PVT1: variants seen among roughly 807,000 people sequenced by gnomAD.
The protein encoded by PVT1 is CXCR4/PVT1 fusion.
chr8:127,925,507 T>C (rs1251125947), intron 3 of PVT1, among the ~76,000 whole-genome samples: 1 of 152,254 alleles, frequency 6.6e-6, no homozygotes, highest in Non-Finnish European at 1.5e-5. Flanking sequence ...GCCATTCAGC[T>C]TTTATTCAGC....
At chr8:128,100,426 C>T (rs922741252) in intron 6 of PVT1, among the ~76,000 whole-genome samples, 1 of 152,136 alleles carries the variant, frequency 6.6e-6, no homozygotes, top group Non-Finnish European at 1.5e-5. Flanking sequence ...TTAAGTACAA[C>T]ATCCACATGG....
chr8:128,042,880 C>T (rs1374270591), intron 4 of PVT1, among the ~76,000 whole-genome samples: 3 of 152,114 alleles, frequency 2.0e-5, no homozygotes, highest in Non-Finnish European at 4.4e-5. Context: ...TCTCATGCCT[C>T]AGCCTCCCAA....
intron 3 of PVT1, among the ~76,000 whole-genome samples, chr8:127,903,857 G>T (rs889121435): frequency 1.3e-5 from 2 of 152,188 alleles, no homozygotes; most frequent in African/African-American, 4.8e-5. Context: ...GTCAGGTAAT[G>T]TGAGGTCTCT....
At chr8:127,962,413 C>T (rs1312068151) in intron 3 of PVT1, among the ~76,000 whole-genome samples, 1 of 152,182 alleles carries the variant, frequency 6.6e-6, no homozygotes, top group Non-Finnish European at 1.5e-5. Flanking sequence ...CTTAAGCCAG[C>T]ACCTTGAGTT....
intron 2 of PVT1, among the ~76,000 whole-genome samples, chr8:127,881,889 G>A (rs553353314): frequency 2.6e-5 from 4 of 152,196 alleles, no homozygotes; most frequent in East Asian, 1.9e-4. Context: ...CTACAGGTGC[G>A]CCACCACTGC....
intron 3 of PVT1, among the ~76,000 whole-genome samples, chr8:127,914,995 T>G (rs1447812141): frequency 1.3e-5 from 2 of 151,918 alleles, no homozygotes; most frequent in African/African-American, 4.8e-5. Flanking sequence ...CCGGCTAATT[T>G]TGTATTTTTG....
At chr8:127,978,912 A>G (rs1452680885) in intron 3 of PVT1, among the ~76,000 whole-genome samples, 1 of 151,976 alleles carries the variant, frequency 6.6e-6, no homozygotes, top group Non-Finnish European at 1.5e-5. Context: ...TAATGTATTT[A>G]CGTGTGTGTC....
At chr8:127,956,849 G>C (rs1816575975) in intron 3 of PVT1, among the ~76,000 whole-genome samples, 1 of 152,190 alleles carries the variant, frequency 6.6e-6, no homozygotes, top group Non-Finnish European at 1.5e-5. Context: ...CTTCACACTT[G>C]AGCTAGAGCC....
At chr8:127,924,009 G>C (rs1304705674) in intron 3 of PVT1, among the ~76,000 whole-genome samples, 1 of 152,226 alleles carries the variant, frequency 6.6e-6, no homozygotes, top group Non-Finnish European at 1.5e-5. Flanking sequence ...GTTCCTGGCT[G>C]TCTGCTCCAT....
intron 3 of PVT1, among the ~76,000 whole-genome samples, chr8:127,988,039 C>T (rs1006558263): frequency 1.3e-5 from 2 of 152,194 alleles, no homozygotes; most frequent in Non-Finnish European, 1.5e-5. Flanking sequence ...AGAACCACTG[C>T]AGATCTGTCC....
At chr8:127,943,555 C>T (rs927725901) in intron 3 of PVT1, among the ~76,000 whole-genome samples, 3 of 152,314 alleles carry the variant, frequency 2.0e-5, no homozygotes, top group Non-Finnish European at 4.4e-5. Flanking sequence ...GGATGTTGCT[C>T]GGCATCTCTG....
intron 5 of PVT1, among the ~76,000 whole-genome samples, chr8:128,096,174 A>G (rs1455266687): frequency 1.3e-5 from 2 of 152,254 alleles, no homozygotes. Context: ...GGCACAGGAT[A>G]CATAAGATTC....
At chr8:127,917,931 C>A (rs906989882) in intron 3 of PVT1, among the ~76,000 whole-genome samples, 3 of 152,356 alleles carry the variant, frequency 2.0e-5, no homozygotes, top group African/African-American at 7.2e-5. Context: ...GCCCCTCAAC[C>A]CTGTCCCCCA....
chr8:127,965,386 C>T (rs1048504736), intron 3 of PVT1, among the ~76,000 whole-genome samples: 2 of 152,202 alleles, frequency 1.3e-5, no homozygotes, highest in East Asian at 1.9e-4. Flanking sequence ...CCCCCTACCC[C>T]TCACAGCGTC....
intron 4 of PVT1, among the ~76,000 whole-genome samples, chr8:128,038,419 A>G (rs1330940794): frequency 1.3e-5 from 2 of 152,154 alleles, no homozygotes; most frequent in African/African-American, 2.4e-5. Flanking sequence ...AGATGCAGAC[A>G]TGGTACTAAT....
At chr8:128,079,979 C>T (rs1814155329) in intron 5 of PVT1, among the ~76,000 whole-genome samples, 1 of 152,194 alleles carries the variant, frequency 6.6e-6, no homozygotes, top group Non-Finnish European at 1.5e-5. Flanking sequence ...CCGCCTCGGC[C>T]TCCCAAGGAT....
intron 2 of PVT1, among the ~76,000 whole-genome samples, chr8:127,838,302 C>T (rs1182845118): frequency 6.6e-6 from 1 of 152,160 alleles, no homozygotes; most frequent in Non-Finnish European, 1.5e-5. Context: ...ACTTGTCTTG[C>T]AAGGCTATGG....
intron 3 of PVT1, among the ~76,000 whole-genome samples, chr8:127,931,443 G>T (rs1052457033): frequency 2.0e-5 from 3 of 152,184 alleles, no homozygotes; most frequent in African/African-American, 7.2e-5. Flanking sequence ...ACCCTGACTG[G>T]CTCATCATTG....
At chr8:127,809,029 C>CAAAAAAAAAAAAAAAAAAAAAAAA (rs1158760672) in intron 2 of PVT1, among the ~76,000 whole-genome samples, 26 of 28,252 alleles carry the variant, frequency 9.2e-4, no homozygotes, top group Non-Finnish European at 1.2e-3. Flanking sequence ...GATTCCATCT[C>CAAAAAAAAAAAAAAAAAAAAAAAA]AAAAAAAAAA....
Sources: gnomAD v4.1 joint callset for allele counts (sites outside exome capture counted in the v4.1 genomes callset) on GRCh38, gnomAD v4.1.1 for gene constraint, MANE v1.5 for transcripts, NCBI Gene and HGNC (gene_info 2026-07-23, HGNC 2026-07-21) for gene names.